The following SUGCT variants were observed in gnomAD, a reference collection of about 807,000 sequenced individuals.
The protein encoded by SUGCT is succinyl-CoA:glutarate CoA-transferase.
SUGCT carries 41 observed loss-of-function variants against 55.0 expected under a neutral mutation model. The ratio of observed to expected loss-of-function variants is 0.74; its 90% CI spans 0.58 to 0.97. The LOEUF is 0.97. SUGCT is among the 50% of genes least tolerant of loss of function. The pLI, the probability that SUGCT is intolerant of heterozygous loss-of-function variation, is 0.00. For synonymous variants in SUGCT, 187 were observed against 200.4 expected (o/e 0.93, Z 0.56); for missense variants, 568 against 547.8 (o/e 1.04, Z -0.37).
intron 1 of SUGCT, among the ~76,000 whole-genome samples, chr7:40,180,454 C>A (rs1309649243): frequency 6.6e-6 from 1 of 151,604 alleles, no homozygotes; most frequent in Non-Finnish European, 1.5e-5. Flanking sequence ...TAAATTGGCT[C>A]ATTTCAAGGA....
chr7:40,338,070 AT>A (rs1796817845), intron 9 of SUGCT, among the ~76,000 whole-genome samples: 1 of 152,120 alleles, frequency 6.6e-6, no homozygotes, highest in African/African-American at 2.4e-5. Flanking sequence ...AATGTTGAAT[AT>A]TGGCCCCCAC....
chr7:40,641,333 A>G (rs1164918858), intron 12 of SUGCT, among the ~76,000 whole-genome samples: 1 of 152,178 alleles, frequency 6.6e-6, no homozygotes, highest in Non-Finnish European at 1.5e-5. Context: ...CTTTTGGAAC[A>G]TTATCGAAAA....
chr7:40,242,667 AC>A (rs1789487175), intron 7 of SUGCT, among the ~76,000 whole-genome samples: 2 of 151,548 alleles, frequency 1.3e-5, no homozygotes, highest in South Asian at 4.2e-4. Flanking sequence ...GATATTTGTT[AC>A]GATGTAGTAA....
chr7:40,154,128 G>T, intron 1 of SUGCT: 1 of 220,444 alleles, frequency 4.5e-6, no homozygotes, highest in South Asian at 8.2e-5. Flanking sequence ...TCATCCTTCA[G>T]AACAAGATGG....
intron 13 of SUGCT, 21 bp downstream of exon 13, chr7:40,749,518 T>A: frequency 6.3e-7 from 1 of 1,590,964 alleles, no homozygotes; most frequent in Non-Finnish European, 8.6e-7. Flanking sequence ...TTTTGGTATT[T>A]TCTCTAGCAC....
At chr7:40,419,367 A>C (rs1354344688) in intron 9 of SUGCT, among the ~76,000 whole-genome samples, 1 of 152,216 alleles carries the variant, frequency 6.6e-6, no homozygotes. Flanking sequence ...GCCTAGACAA[A>C]ATCCCCAATA....
the SUGCT span, among the ~76,000 whole-genome samples, chr7:41,026,915 C>A: frequency 6.6e-6 from 1 of 152,036 alleles, no homozygotes; most frequent in Non-Finnish European, 1.5e-5. Flanking sequence ...GCCTGTAATC[C>A]CAGCTACTCA....
Position 40,448,900 on chromosome 7 carries a change from A to G in SUGCT, c.817-387A>G, listed in dbSNP as rs1789012292. On this transcript the variant is annotated intron_variant, in intron 9 of 13. Transcript: ENST00000335693. The stretch of plus-strand genomic sequence containing the variant: ...TATATACATACATACATACATAGAC[A>G]CATATGTGTGTGTGTGTGTATATAT... Among the ~76,000 whole-genome samples the G allele has an allele frequency of 2.8e-5, 4 of 144,734 alleles. No homozygotes were observed. In the Admixed American group the frequency reaches 2.8e-4, roughly 10 times the overall value. 95.0% of individuals were successfully genotyped at this position (144,734 alleles called of 152,430 possible).
intron 6 of SUGCT, among the ~76,000 whole-genome samples, chr7:40,220,155 T>C (rs1233469381): frequency 1.3e-5 from 2 of 152,162 alleles, no homozygotes; most frequent in African/African-American, 4.8e-5. Context: ...CTTTAAAGTG[T>C]TTTTCCCCAC....
chr7:40,915,200 A>G, the SUGCT span, among the ~76,000 whole-genome samples: 2 of 152,078 alleles, frequency 1.3e-5, no homozygotes, highest in Non-Finnish European at 2.9e-5. Flanking sequence ...TACCTCAACT[A>G]TTGTTTCAAA....
intron 12 of SUGCT, among the ~76,000 whole-genome samples, chr7:40,619,648 T>C (rs1799172316): frequency 6.6e-6 from 1 of 152,236 alleles, no homozygotes; most frequent in African/African-American, 2.4e-5. Context: ...TAAAATCTGA[T>C]ACAGGAATAA....
chr7:40,453,963 TATG>T (rs980681800), intron 10 of SUGCT, among the ~76,000 whole-genome samples: 1 of 152,052 alleles, frequency 6.6e-6, no homozygotes. Context: ...AAATATAAGA[TATG>T]AAGAAGAACC....
rs186828192 is a variant in SUGCT, at chr7:40,235,122, T to A, written c.485-2513T>A. Among the ~76,000 whole-genome samples the A allele has an allele frequency of 6.7e-3, 1,018 of 152,234 alleles. 12 individuals carry two copies. Among genetic ancestry groups the A allele is most frequent in the African/African-American group, 0.024 (978 of 41,534 alleles). ...AGAGACATGTTTTAACACCTTTTTTTAATCATCAATAATTATAATCTTGAA... is the reference window on the plus strand; with the variant it reads ...AGAGACATGTTTTAACACCTTTTTTAAATCATCAATAATTATAATCTTGAA... On this transcript the variant is annotated intron_variant, in intron 6 of 13. Transcript: ENST00000335693.
At chr7:40,607,220 C>T (rs1798573068) in intron 12 of SUGCT, among the ~76,000 whole-genome samples, 2 of 151,942 alleles carry the variant, frequency 1.3e-5, no homozygotes, top group East Asian at 3.9e-4. Context: ...CCTCCCACCT[C>T]AGCCCCCCAA....
chr7:40,200,440 A>G (rs12333929), intron 6 of SUGCT, among the ~76,000 whole-genome samples: 87,365 of 151,646 alleles, frequency 0.58, 27,113 homozygotes, highest in African/African-American at 0.82. Flanking sequence ...TTTTTTTTTG[A>G]GGGGGGTAAC....
chr7:40,667,358 C>T (rs1340293964), intron 12 of SUGCT, among the ~76,000 whole-genome samples: 1 of 152,006 alleles, frequency 6.6e-6, no homozygotes, highest in Non-Finnish European at 1.5e-5. Flanking sequence ...CAATATTTTG[C>T]TGAGGATCTT....
chr7:40,892,730 G>T, the SUGCT span, among the ~76,000 whole-genome samples: 2 of 152,032 alleles, frequency 1.3e-5, no homozygotes, highest in East Asian at 3.9e-4. Context: ...TGGAACTAGG[G>T]TCTTGGTGTG....
rs79543146 is a variant in SUGCT at position 40,210,519 on chromosome 7, A to G, written c.484+15459A>G. Among the ~76,000 whole-genome samples, 865 of 152,150 alleles carry G rather than the reference A, an allele frequency of 5.7e-3. 5 individuals are homozygous for G. Among genetic ancestry groups the G allele is most frequent in the African/African-American group, 0.019 (806 of 41,504 alleles). On this transcript the variant is annotated intron_variant, in intron 6 of 13. Transcript: ENST00000335693. ...ATATTTTGAGACAGTCTTGTTATATATAAAGTTTTGGTGCTGTATAAGAAA... is the reference window on the plus strand; with the variant it reads ...ATATTTTGAGACAGTCTTGTTATATGTAAAGTTTTGGTGCTGTATAAGAAA...
intron 6 of SUGCT, among the ~76,000 whole-genome samples, chr7:40,219,088 T>A: frequency 6.6e-6 from 1 of 152,068 alleles, no homozygotes. Context: ...AGCGAGACCA[T>A]GAACCCACCT....
Sources: gnomAD v4.1 joint callset for allele counts (sites outside exome capture counted in the v4.1 genomes callset) on GRCh38, gnomAD v4.1.1 for gene constraint, MANE v1.5 for transcripts, NCBI Gene and HGNC (gene_info 2026-07-23, HGNC 2026-07-21) for gene names.